Variants in PLCG2 observed in about 807,000 individuals in gnomAD.
PLCG2 encodes 1-phosphatidylinositol 4,5-bisphosphate phosphodiesterase gamma-2.
A neutral mutation model predicts 175.6 loss-of-function variants in PLCG2; 69 were observed. The observed-to-expected ratio is 0.39, with a 90% CI of 0.32 to 0.48. The LOEUF is 0.48. PLCG2 is among the 20% of genes least tolerant of loss of function. PLCG2 has a pLI of 0.91. For missense variants in PLCG2, 1,798 were observed against 1,650.9 expected (o/e 1.09, Z -1.54); for synonymous variants, 827 against 624.0 (o/e 1.33, Z -4.85).
intron 31 of PLCG2, among the ~76,000 whole-genome samples, chr16:81,949,745 A>G (rs771936661): frequency 1.7e-4 from 26 of 152,252 alleles, no homozygotes; most frequent in Non-Finnish European, 2.9e-4. Flanking sequence ...TAAATATCAA[A>G]TAAGGATTTT....
intron 13 of PLCG2, among the ~76,000 whole-genome samples, chr16:81,896,365 AACACACACACACACACACAC>A (rs57375866): frequency 0.017 from 2,008 of 121,142 alleles, 39 homozygotes; most frequent in South Asian, 0.054. Context: ...TCTCTACCAA[AACACACACACACACACACAC>A]ACACACACAC....
intron 2 of PLCG2, among the ~76,000 whole-genome samples, chr16:81,811,240 C>T (rs1037837744): frequency 5.3e-5 from 8 of 152,168 alleles, no homozygotes; most frequent in African/African-American, 1.9e-4. Flanking sequence ...GTCAAATGGG[C>T]ACACCGGTGG....
At position 81,958,024 on chromosome 16, in the gene PLCG2, T is replaced by C. The variant is rs1330104543; in HGVS notation, c.*26T>C. On this transcript the variant is annotated 3_prime_UTR_variant, in exon 33 of 33. Transcript: ENST00000564138. Reference sequence around the variant, plus strand: ...AAGCTGGGGTATGTGTGTAAGGGTATTGTGTGTGTGCGCATGTGTGTTTGC... The same window carrying C: ...AAGCTGGGGTATGTGTGTAAGGGTACTGTGTGTGTGCGCATGTGTGTTTGC... 2 of 1,547,798 alleles carry C rather than the reference T, an allele frequency of 1.3e-6. No individual in the cohort carries two copies. Among genetic ancestry groups the C allele is most frequent in the Admixed American group, 3.3e-5 (2 of 59,922 alleles).
intron 2 of PLCG2, among the ~76,000 whole-genome samples, chr16:81,796,543 C>T (rs1053375829): frequency 1.3e-5 from 2 of 152,170 alleles, no homozygotes; most frequent in Non-Finnish European, 2.9e-5. Context: ...ATTGTCCTTA[C>T]CAATTTCATA....
upstream of PLCG2, among the ~76,000 whole-genome samples, chr16:81,776,691 A>C (rs952314469): frequency 6.6e-6 from 1 of 152,160 alleles, no homozygotes; most frequent in South Asian, 2.1e-4. Flanking sequence ...AGTAGCTGAC[A>C]CTACAGGTGT....
At chr16:81,782,697 T>A (rs1401623985) in intron 1 of PLCG2, among the ~76,000 whole-genome samples, 1 of 151,950 alleles carries the variant, frequency 6.6e-6, no homozygotes, top group Non-Finnish European at 1.5e-5. Context: ...GAAGTTTTTC[T>A]CTTCAGTGCT....
intron 2 of PLCG2, chr16:81,842,793 T>C (rs1164355899): frequency 6.6e-6 from 1 of 150,492 alleles, no homozygotes; most frequent in African/African-American, 2.5e-5. Context: ...AAGGGGTCGG[T>C]GGTGTAAAGC....
chr16:81,947,764 G>A (rs1911206626), intron 31 of PLCG2, among the ~76,000 whole-genome samples: 2 of 152,120 alleles, frequency 1.3e-5, no homozygotes, highest in Admixed American at 1.3e-4. Context: ...CAGTATGTTT[G>A]TTTAGTTTAT....
At chr16:81,797,876 G>C (rs1480215494) in intron 2 of PLCG2, among the ~76,000 whole-genome samples, 2 of 151,610 alleles carry the variant, frequency 1.3e-5, no homozygotes, top group Non-Finnish European at 2.9e-5. Flanking sequence ...CTGTCCCCAG[G>C]CTGAAGTGCA....
intron 5 of PLCG2, 32 bp from the exon 6 acceptor site, chr16:81,869,182 A>G: frequency 6.4e-7 from 1 of 1,562,644 alleles, no homozygotes; most frequent in African/African-American, 1.3e-5. Context: ...AAAACCCTCA[A>G]GGTGACAGAA....
At chr16:81,877,212 T>C (rs1907835183) in intron 7 of PLCG2, among the ~76,000 whole-genome samples, 1 of 152,200 alleles carries the variant, frequency 6.6e-6, no homozygotes. Flanking sequence ...CCCAGCACTT[T>C]GGGAGGCCAA....
At chr16:81,813,709 C>T (rs1396085428) in intron 2 of PLCG2, among the ~76,000 whole-genome samples, 7 of 152,162 alleles carry the variant, frequency 4.6e-5, no homozygotes, top group African/African-American at 1.4e-4. Context: ...ATTGGATGGC[C>T]AGGCTGGAAG....
chr16:81,923,878 C>G (rs922587902), intron 22 of PLCG2, among the ~76,000 whole-genome samples: 4 of 152,212 alleles, frequency 2.6e-5, no homozygotes, highest in Admixed American at 2.6e-4. Context: ...AAGTGGCAAG[C>G]AGTCTGCTAA....
At chr16:81,939,425 A>G (rs751731908) in intron 29 of PLCG2, among the ~76,000 whole-genome samples, 15 of 152,304 alleles carry the variant, frequency 9.8e-5, no homozygotes, top group Non-Finnish European at 1.5e-4. Flanking sequence ...AAGTAGCCCA[A>G]TGAACAACTC....
chr16:81,905,301 G>A (rs375002897), intron 14 of PLCG2, 102 bp from the exon 15 acceptor site: 11 of 761,522 alleles, frequency 1.4e-5, no homozygotes, highest in African/African-American at 5.1e-5. Flanking sequence ...AGAACAGGCA[G>A]TGCAAAGGCC....
intron 2 of PLCG2, 68 bp from the exon 3 acceptor site, chr16:81,854,376 T>C (rs1906576216): frequency 6.9e-7 from 1 of 1,441,670 alleles, no homozygotes; most frequent in African/African-American, 1.4e-5. Flanking sequence ...TGGGCTGCAG[T>C]TGTGTGGCTG....
chr16:81,889,643 TTTTG>T (rs1266186294), intron 10 of PLCG2, among the ~76,000 whole-genome samples: 1 of 151,954 alleles, frequency 6.6e-6, no homozygotes, highest in African/African-American at 2.4e-5. Flanking sequence ...TTTTTTATGT[TTTTG>T]TTTGTTTGCT....
intron 2 of PLCG2, among the ~76,000 whole-genome samples, chr16:81,771,143 T>C (rs145185721): frequency 1.6e-4 from 24 of 152,266 alleles, no homozygotes; most frequent in Middle Eastern, 3.4e-3. Context: ...GACTAACCCA[T>C]GTGACCACAA....
chr16:81,940,675 C>G (rs1463002140), intron 30 of PLCG2, among the ~76,000 whole-genome samples: 1 of 151,972 alleles, frequency 6.6e-6, no homozygotes, highest in African/African-American at 2.4e-5. Flanking sequence ...TCTTAAGAAC[C>G]CTGCTGAATC....
Sources: allele counts gnomAD v4.1 joint callset (sites outside exome capture counted in the v4.1 genomes callset), GRCh38; gene constraint gnomAD v4.1.1; transcripts MANE v1.5; gene names NCBI Gene and HGNC (gene_info 2026-07-23, HGNC 2026-07-21).